Variants in RPS6KC1 observed in about 807,000 individuals in gnomAD.
RPS6KC1 encodes the protein inactive ribosomal protein S6 kinase delta-1.
RPS6KC1 carries 54 observed loss-of-function variants against 103.8 expected under a neutral mutation model. The ratio of observed to expected loss-of-function variants is 0.52; its 90% CI spans 0.42 to 0.65. RPS6KC1 has a LOEUF of 0.65. RPS6KC1 is among the 30% of genes least tolerant of loss of function. The pLI, the probability that RPS6KC1 is intolerant of heterozygous loss-of-function variation, is 0.00. For synonymous variants in RPS6KC1, 439 were observed against 438.7 expected (o/e 1.00, Z -0.01); for missense variants, 1,151 against 1,253.8 (o/e 0.92, Z 1.24).
chr1:213,642,770 C>T, the RPS6KC1 span, among the ~76,000 whole-genome samples: 2 of 151,916 alleles, frequency 1.3e-5, no homozygotes, highest in African/African-American at 4.8e-5. Flanking sequence ...GACTTTTTAA[C>T]TCCAAGTTCA....
chr1:213,674,750 C>G, the RPS6KC1 span, among the ~76,000 whole-genome samples: 4 of 152,222 alleles, frequency 2.6e-5, no homozygotes, highest in South Asian at 6.2e-4. Flanking sequence ...TTCCCACCAA[C>G]AGTGCATAAG....
At chr1:213,533,873 G>C in the RPS6KC1 span, among the ~76,000 whole-genome samples, 1 of 152,192 alleles carries the variant, frequency 6.6e-6, no homozygotes, top group Non-Finnish European at 1.5e-5. Context: ...TTTGTCCCAG[G>C]GGAAGCTGAG....
chr1:213,332,175 A>G, the RPS6KC1 span, among the ~76,000 whole-genome samples: 2 of 152,228 alleles, frequency 1.3e-5, no homozygotes, highest in African/African-American at 4.8e-5. Context: ...ACTGAAATGT[A>G]GTAAATTTCA....
At chr1:213,602,074 CTTTCTCTTTCTTTCTT>C in the RPS6KC1 span, among the ~76,000 whole-genome samples, 168 of 50,050 alleles carry the variant, frequency 3.4e-3, 31 homozygotes, top group Non-Finnish European at 4.2e-3. Flanking sequence ...TTCTTTCTTT[CTTTCTCTTTCTTTCTT>C]TCTTTCTTTC....
At chr1:213,104,314 A>C (rs2082273069) in intron 3 of RPS6KC1, 140 bp from the exon 4 acceptor site, 1 of 505,566 alleles carries the variant, frequency 2.0e-6, no homozygotes, top group South Asian at 3.2e-5. Context: ...TAGAGATTAG[A>C]TTTGACTTCA....
At chr1:213,482,901 G>T in the RPS6KC1 span, among the ~76,000 whole-genome samples, 1 of 151,608 alleles carries the variant, frequency 6.6e-6, no homozygotes, top group African/African-American at 2.4e-5. Context: ...GTCTTCTATT[G>T]TTCTTCTGTT....
At chr1:213,064,085 T>C (rs1210115938) in intron 1 of RPS6KC1, among the ~76,000 whole-genome samples, 1 of 152,164 alleles carries the variant, frequency 6.6e-6, no homozygotes, top group Non-Finnish European at 1.5e-5. Flanking sequence ...GAGACGGAGT[T>C]TCACTTGGTC....
the RPS6KC1 span, among the ~76,000 whole-genome samples, chr1:213,736,073 C>G: frequency 4.6e-5 from 7 of 152,206 alleles, no homozygotes; most frequent in East Asian, 3.9e-4. Context: ...AAGGCAGGGA[C>G]AGTAACCATG....
chr1:213,668,402 A>ACCCCCC, the RPS6KC1 span, among the ~76,000 whole-genome samples: 2 of 86,248 alleles, frequency 2.3e-5, no homozygotes, highest in Non-Finnish European at 4.2e-5. Context: ...CCCCCGCCGC[A>ACCCCCC]CCACCCCCAC....
At chr1:213,718,765 T>G in the RPS6KC1 span, among the ~76,000 whole-genome samples, 1 of 152,054 alleles carries the variant, frequency 6.6e-6, no homozygotes, top group Non-Finnish European at 1.5e-5. Context: ...GGGGAGGAGG[T>G]GCTTCTCTGA....
At chr1:213,518,674 T>A in the RPS6KC1 span, among the ~76,000 whole-genome samples, 60 of 152,350 alleles carry the variant, frequency 3.9e-4, no homozygotes, top group African/African-American at 1.4e-3. Flanking sequence ...TAATGTTAAC[T>A]TTTATAAATT....
chr1:213,177,998 G>T (rs1206715936), intron 8 of RPS6KC1, among the ~76,000 whole-genome samples: 1 of 151,734 alleles, frequency 6.6e-6, no homozygotes, highest in Non-Finnish European at 1.5e-5. Flanking sequence ...GAGCCTAGGA[G>T]TTTGAGACTA....
At chr1:213,099,734 G>A (rs2081842806) in intron 3 of RPS6KC1, among the ~76,000 whole-genome samples, 1 of 152,056 alleles carries the variant, frequency 6.6e-6, no homozygotes, top group African/African-American at 2.4e-5. Context: ...GATTTTAAAT[G>A]GAATCACGCT....
chr1:213,571,124 C>G, the RPS6KC1 span, among the ~76,000 whole-genome samples: 1 of 152,110 alleles, frequency 6.6e-6, no homozygotes, highest in South Asian at 2.1e-4. Flanking sequence ...CAGATGTGGC[C>G]TTTGTAGACA....
At chr1:213,769,045 T>G in the RPS6KC1 span, among the ~76,000 whole-genome samples, 3 of 152,098 alleles carry the variant, frequency 2.0e-5, no homozygotes, top group African/African-American at 7.2e-5. Context: ...CTACAATATA[T>G]AGACAGAGGG....
At chr1:213,374,160 C>G in the RPS6KC1 span, among the ~76,000 whole-genome samples, 1 of 152,210 alleles carries the variant, frequency 6.6e-6, no homozygotes, top group African/African-American at 2.4e-5. Context: ...GTATCAATTT[C>G]TCTATTTATA....
chr1:213,096,033 G>A (rs189953269), intron 3 of RPS6KC1, among the ~76,000 whole-genome samples: 24 of 152,288 alleles, frequency 1.6e-4, no homozygotes, highest in African/African-American at 5.5e-4. Context: ...GTGTTTGATA[G>A]CATTTTACCT....
chr1:213,551,962 G>A, the RPS6KC1 span, among the ~76,000 whole-genome samples: 1 of 152,102 alleles, frequency 6.6e-6, no homozygotes, highest in African/African-American at 2.4e-5. Context: ...ATAGCATGTA[G>A]CCCTTTCAGA....
At chr1:213,313,087 A>G in the RPS6KC1 span, among the ~76,000 whole-genome samples, 2 of 152,174 alleles carry the variant, frequency 1.3e-5, no homozygotes, top group Non-Finnish European at 2.9e-5. Context: ...TTGATCTAGA[A>G]TCATTAATTG....
Sources: gnomAD v4.1 joint callset for allele counts (sites outside exome capture counted in the v4.1 genomes callset) on GRCh38, gnomAD v4.1.1 for gene constraint, MANE v1.5 for transcripts, NCBI Gene and HGNC (gene_info 2026-07-23, HGNC 2026-07-21) for gene names.